The following NREP variants were observed in gnomAD, a reference collection of about 807,000 sequenced individuals.
NREP encodes neuronal regeneration related protein.
NREP carries 5 observed loss-of-function variants against 8.6 expected under a neutral mutation model. The ratio of observed to expected loss-of-function variants is 0.58; its 90% CI spans 0.30 to 1.22. The LOEUF (loss-of-function observed/expected upper bound fraction) is 1.22, where lower values mean the gene tolerates loss of function less well. NREP is among the 50% of genes most tolerant of loss of function. NREP has a pLI of 0.07. For synonymous variants in NREP, 27 were observed against 28.0 expected (o/e 0.96, Z 0.11); for missense variants, 86 against 82.5 (o/e 1.04, Z -0.17).
chr5:111,837,990 TAG>T (rs1367037884), intron 2 of NREP, among the ~76,000 whole-genome samples: 2 of 152,036 alleles, frequency 1.3e-5, no homozygotes, highest in Non-Finnish European at 2.9e-5. Context: ...ATTAAACCTT[TAG>T]AGTCTATTTT....
chr5:111,759,398 A>C (rs376939458), upstream of NREP, among the ~76,000 whole-genome samples: 16 of 151,714 alleles, frequency 1.1e-4, no homozygotes, highest in East Asian at 3.1e-3. Flanking sequence ...GAGAAGTGTT[A>C]ATTTTTCTTT....
In NREP at chr5:111,866,049, A is replaced by G. The variant is rs1561699885; in HGVS notation, c.135+109225T>C. Among the ~76,000 whole-genome samples the G allele has an allele frequency of 2.0e-5, 3 of 152,170 alleles. No homozygotes were observed. The South Asian group carries it at 6.2e-4, about 31-fold the overall frequency. On this transcript the variant is annotated intron_variant, in intron 2 of 3. Coordinates refer to the NREP transcript ENST00000395634. ...GCAGAGCTCTCTTGTGGCTTTCTCT[A>G]TGGACACTCAGGTAGGACTTGTTAG...
At chr5:111,880,314 T>A (rs1161563562) in intron 2 of NREP, among the ~76,000 whole-genome samples, 1 of 152,226 alleles carries the variant, frequency 6.6e-6, no homozygotes, top group African/African-American at 2.4e-5. Flanking sequence ...ATAAGTATAT[T>A]CATTTTCCAG....
chr5:111,869,651 C>T (rs569635229), intron 2 of NREP, among the ~76,000 whole-genome samples: 8 of 152,146 alleles, frequency 5.3e-5, no homozygotes, highest in African/African-American at 1.2e-4. Flanking sequence ...AGAAAGAAAA[C>T]GGAATCATGA....
At chr5:111,775,577 G>A (rs138760622) in intron 2 of NREP, among the ~76,000 whole-genome samples, 2 of 152,198 alleles carry the variant, frequency 1.3e-5, no homozygotes, top group East Asian at 3.9e-4. Context: ...ATATGCATTA[G>A]AGCAGGATTA....
intron 2 of NREP, among the ~76,000 whole-genome samples, chr5:111,829,345 C>T (rs1752707114): frequency 6.6e-6 from 1 of 152,086 alleles, no homozygotes; most frequent in African/African-American, 2.4e-5. Context: ...GAAGAATTGG[C>T]AGGGGGAGGC....
chr5:111,864,965 G>C (rs1042741425), intron 2 of NREP, among the ~76,000 whole-genome samples: 1 of 152,054 alleles, frequency 6.6e-6, no homozygotes, highest in Non-Finnish European at 1.5e-5. Flanking sequence ...CTATTCAAAG[G>C]GGAAGTTGAT....
chr5:111,877,573 G>C (rs1291426904), intron 2 of NREP, among the ~76,000 whole-genome samples: 1 of 152,170 alleles, frequency 6.6e-6, no homozygotes, highest in Non-Finnish European at 1.5e-5. Context: ...AAACCAGCAT[G>C]AACTGGGCAA....
chr5:111,858,036 C>G (rs937104536), intron 2 of NREP, among the ~76,000 whole-genome samples: 1 of 151,970 alleles, frequency 6.6e-6, no homozygotes, highest in African/African-American at 2.4e-5. Context: ...CACTTTCAGA[C>G]TGCAATACCT....
intron 2 of NREP, among the ~76,000 whole-genome samples, chr5:111,881,694 C>T (rs1428551354): frequency 2.6e-5 from 4 of 152,150 alleles, no homozygotes; most frequent in South Asian, 4.1e-4. Flanking sequence ...GTTCTGCAGC[C>T]ACCTCTGCAG....
chr5:111,953,807 G>A (rs774023195), intron 2 of NREP, among the ~76,000 whole-genome samples: 9 of 152,022 alleles, frequency 5.9e-5, no homozygotes, highest in Non-Finnish European at 1.3e-4. Flanking sequence ...GAATCATCTC[G>A]GTTGAAGGAC....
chr5:111,908,273 T>G (rs546572650), intron 2 of NREP, among the ~76,000 whole-genome samples: 1 of 152,190 alleles, frequency 6.6e-6, no homozygotes, highest in Non-Finnish European at 1.5e-5. Flanking sequence ...ATAATAATTT[T>G]TAAGAAATAA....
At chr5:111,837,912 T>G (rs1462335730) in intron 2 of NREP, among the ~76,000 whole-genome samples, 2 of 152,012 alleles carry the variant, frequency 1.3e-5, no homozygotes, top group Non-Finnish European at 2.9e-5. Context: ...ATAGTATCAA[T>G]ATAATACTTT....
intron 2 of NREP, among the ~76,000 whole-genome samples, chr5:111,970,825 CAAAAAAAAA>C (rs33962098): frequency 5.6e-5 from 3 of 53,630 alleles, no homozygotes; most frequent in East Asian, 6.6e-4. Context: ...GACTCCATCT[CAAAAAAAAA>C]AAAAAAAAAA....
chr5:111,748,364 AG>A, intron 2 of NREP, among the ~76,000 whole-genome samples: 1 of 152,112 alleles, frequency 6.6e-6, no homozygotes, highest in Admixed American at 6.6e-5. Context: ...CTTATAACCA[AG>A]CTATCACAGC....
intron 2 of NREP, among the ~76,000 whole-genome samples, chr5:111,845,640 A>C (rs1373604430): frequency 2.0e-5 from 3 of 152,190 alleles, no homozygotes; most frequent in Non-Finnish European, 4.4e-5. Flanking sequence ...CCTTAAGATG[A>C]TATCAAGTAC....
intron 2 of NREP, among the ~76,000 whole-genome samples, chr5:111,829,763 T>C (rs1443790371): frequency 1.3e-5 from 2 of 152,204 alleles, no homozygotes; most frequent in Non-Finnish European, 2.9e-5. Flanking sequence ...CTGTGTTGGA[T>C]GACAGGAGAT....
At chr5:111,756,298 A>T in intron 1 of NREP, 9 of 856,444 alleles carry the variant, frequency 1.1e-5, no homozygotes, top group Non-Finnish European at 1.3e-5. Flanking sequence ...TCCGTGTTTA[A>T]AAAAAAAAAA....
chr5:111,877,834 G>A (rs1753947069), intron 2 of NREP, among the ~76,000 whole-genome samples: 1 of 152,076 alleles, frequency 6.6e-6, no homozygotes, highest in Admixed American at 6.5e-5. Flanking sequence ...GACAGACCAA[G>A]TTGAGTTGGG....
Sources: allele counts gnomAD v4.1 joint callset (sites outside exome capture counted in the v4.1 genomes callset), GRCh38; gene constraint gnomAD v4.1.1; transcripts MANE v1.5; gene names NCBI Gene and HGNC (gene_info 2026-07-23, HGNC 2026-07-21).